The following TUBB8 variants were observed in gnomAD, a reference collection of about 807,000 sequenced individuals.
TUBB8 encodes the protein tubulin beta-8 chain.
TUBB8 carries 25 observed loss-of-function variants against 33.7 expected under a neutral mutation model. That is an observed-to-expected ratio of 0.74 (90% CI 0.54 to 1.04). The LOEUF is 1.04. TUBB8 is among the 50% of genes least tolerant of loss of function. The pLI, the probability that TUBB8 is intolerant of heterozygous loss-of-function variation, is 0.00. For missense variants in TUBB8, 279 were observed against 608.0 expected (o/e 0.46, Z 5.69); for synonymous variants, 245 against 240.1 (o/e 1.02, Z -0.19).
At chr10:48,427 T>C in intron 3 of TUBB8, 188 bp downstream of exon 3, 1 of 669,862 alleles carries the variant, frequency 1.5e-6, no homozygotes, top group Non-Finnish European at 2.7e-6. Flanking sequence ...CTCCTCACCT[T>C]GAGGAGACAC....
chr10:54,908 A>G (rs1210436749), intron 1 of TUBB8, among the ~76,000 whole-genome samples: 1 of 152,106 alleles, frequency 6.6e-6, no homozygotes, highest in East Asian at 1.9e-4. Context: ...CAGGCACCTG[A>G]CATGATGCCC....
At chr10:72,037 C>T (rs1330426998) in intron 1 of TUBB8, among the ~76,000 whole-genome samples, 14 of 151,886 alleles carry the variant, frequency 9.2e-5, no homozygotes, top group African/African-American at 2.9e-4. Context: ...ATAAGCCTGA[C>T]CAAAATGGTG....
In TUBB8 at chr10:47,303, C is replaced by G; in HGVS notation, c.1089G>C (p.Met363Ile). 1 of 1,613,784 alleles carries G rather than the reference C, an allele frequency of 6.2e-7. No homozygotes were observed. Among genetic ancestry groups the G allele is most frequent in the Non-Finnish European group, 8.5e-7 (1 of 1,180,022 alleles). Residue 363 changes from methionine to isoleucine, a missense_variant, in exon 4 of 4, where the codon ATG becomes ATC. Around this residue, in one of 4 missense-constraint regions of TUBB8, gnomAD observed 123 missense variants for 228.9 expected, o/e 0.54. Transcript: ENST00000568584. ...VCDIPPRGLK[M>I]SATFIGNNTA... ...TATTATTCCCAATGAAGGTGGCTGACATTTTTAGCCCCCGGGGTGGGATGT... is the reference window on the plus strand; with the variant it reads ...TATTATTCCCAATGAAGGTGGCTGAGATTTTTAGCCCCCGGGGTGGGATGT...
chr10:66,959 T>C (rs1834678787), intron 1 of TUBB8, among the ~76,000 whole-genome samples: 1 of 152,080 alleles, frequency 6.6e-6, no homozygotes, highest in Non-Finnish European at 1.5e-5. Flanking sequence ...GGAGACAGAG[T>C]GAGATCCTGT....
intron 1 of TUBB8, among the ~76,000 whole-genome samples, chr10:66,474 C>G (rs1345484519): frequency 3.3e-5 from 5 of 152,156 alleles, no homozygotes; most frequent in African/African-American, 1.2e-4. Flanking sequence ...CACAGGAAAA[C>G]ACTCTCTCTA....
chr10:59,956 A>C (rs1413791594), intron 1 of TUBB8, among the ~76,000 whole-genome samples: 1 of 152,014 alleles, frequency 6.6e-6, no homozygotes, highest in Admixed American at 6.6e-5. Flanking sequence ...GATTTTCTGA[A>C]ACGTTACTTG....
intron 1 of TUBB8, among the ~76,000 whole-genome samples, chr10:63,979 T>C (rs187129797): frequency 4.2e-4 from 64 of 152,310 alleles, no homozygotes; most frequent in African/African-American, 1.5e-3. Flanking sequence ...CCAAGCCCAA[T>C]ACACAGTAGC....
intron 3 of TUBB8, 94 bp from the exon 4 acceptor site, chr10:48,208 G>T (rs1554738648): frequency 3.8e-6 from 4 of 1,044,598 alleles, no homozygotes; most frequent in Non-Finnish European, 5.9e-6. Flanking sequence ...TCACACGTGA[G>T]GTGAGAGCAC....
downstream of TUBB8, chr10:46,825 G>A (rs1359282400): frequency 2.3e-6 from 1 of 441,558 alleles, no homozygotes; most frequent in Non-Finnish European, 4.1e-6. Context: ...CGCCTTGCAG[G>A]ACAACTATGC....
At chr10:56,730 G>A (rs1333783697) in intron 1 of TUBB8, among the ~76,000 whole-genome samples, 3 of 152,124 alleles carry the variant, frequency 2.0e-5, no homozygotes, top group African/African-American at 4.8e-5. Context: ...TTCCAACATT[G>A]AGGATTACAT....
chr10:71,199 C>T (rs1834731183), intron 1 of TUBB8, among the ~76,000 whole-genome samples: 1 of 152,134 alleles, frequency 6.6e-6, no homozygotes, highest in Non-Finnish European at 1.5e-5. Flanking sequence ...CTTGTAGTCC[C>T]AGCTACTTGG....
At chr10:49,072 G>T (rs1237902548) in intron 1 of TUBB8, 110 bp downstream of exon 1, 1 of 1,264,276 alleles carries the variant, frequency 7.9e-7, no homozygotes, top group African/African-American at 1.6e-5. Flanking sequence ...CACCGTCCCC[G>T]GCAGGGAGCC....
chr10:65,315 A>G (rs1327085667), intron 1 of TUBB8, among the ~76,000 whole-genome samples: 2 of 152,262 alleles, frequency 1.3e-5, no homozygotes, highest in African/African-American at 4.8e-5. Context: ...AATACGCTAA[A>G]TAGTAAACCA....
At chr10:59,084 G>A (rs1834566791) in intron 1 of TUBB8, among the ~76,000 whole-genome samples, 1 of 152,048 alleles carries the variant, frequency 6.6e-6, no homozygotes, top group Non-Finnish European at 1.5e-5. Context: ...CTTTTATTAT[G>A]TTCAGATATG....
intron 1 of TUBB8, among the ~76,000 whole-genome samples, chr10:59,400 G>A (rs1834570600): frequency 6.6e-6 from 1 of 152,142 alleles, no homozygotes. Flanking sequence ...CGTTGGCCAG[G>A]CTGGTTTTGA....
At chr10:69,110 A>G (rs1333467323) in intron 1 of TUBB8, among the ~76,000 whole-genome samples, 1 of 152,176 alleles carries the variant, frequency 6.6e-6, no homozygotes, top group Non-Finnish European at 1.5e-5. Context: ...TCATTTTCAA[A>G]CCCAAGGTTC....
chr10:48,653 G>C lies in TUBB8; in HGVS notation c.239C>G (p.Pro80Arg). ...GTCTGGCCTGAAGACCTGCCCGAAG[G>C]GCCCCGAGCGCACAGAGTCCATGGT... ...PGTMDSVRSG[P>R]FGQVFRPDNF... Residue 80 changes from proline to arginine, a missense_variant, in exon 3 of 4, where the codon CCC (proline) becomes CGC (arginine). Physicochemically the swap from Pro to Arg is moderately radical, Grantham distance 103. Coordinates refer to ENST00000568584, the MANE Select transcript of TUBB8 (RefSeq NM_177987.3). 6.2e-7 allele frequency: 1 copy of C among 1,611,714 alleles called. No homozygotes were observed. Among genetic ancestry groups the C allele is most frequent in the Non-Finnish European group, 8.5e-7 (1 of 1,179,624 alleles).
At chr10:63,868 G>A (rs1324672139) in intron 1 of TUBB8, among the ~76,000 whole-genome samples, 1 of 152,042 alleles carries the variant, frequency 6.6e-6, no homozygotes, top group African/African-American at 2.4e-5. Flanking sequence ...CTATATCTGG[G>A]CATTGAAGAG....
chr10:71,547 G>A (rs1834736304), intron 1 of TUBB8, among the ~76,000 whole-genome samples: 1 of 149,730 alleles, frequency 6.7e-6, no homozygotes, highest in South Asian at 2.1e-4. Context: ...TGTGAACCCA[G>A]GAGTCAGAGG....
Sources: allele counts gnomAD v4.1 joint callset (sites outside exome capture counted in the v4.1 genomes callset), GRCh38; gene constraint gnomAD v4.1.1; regional missense constraint gnomAD v4.1.1; transcripts MANE v1.5; gene names NCBI Gene and HGNC (gene_info 2026-07-23, HGNC 2026-07-21).